USP46: variants seen among roughly 807,000 people sequenced by gnomAD.
USP46 encodes ubiquitin specific peptidase 46.
Under a neutral mutation model 44.4 loss-of-function variants are expected in USP46, and 12 were observed. The ratio of observed to expected loss-of-function variants is 0.27; its 90% confidence interval spans 0.17 to 0.44. The LOEUF (loss-of-function observed/expected upper bound fraction) is 0.44. USP46 is among the 20% of genes least tolerant of loss of function. USP46 has a pLI of 1.00. For missense variants in USP46, 248 were observed against 444.8 expected (o/e 0.56, Z 3.98); for synonymous variants, 155 against 161.5 (o/e 0.96, Z 0.31).
Position 52,620,278 on chromosome 4 carries a change from TA to T in USP46, c.561+5739del, listed in dbSNP as rs1439738659. 7.2e-5 allele frequency among the ~76,000 whole-genome samples: 11 copies of T among 152,200 alleles called. 1 individual carries two copies. The highest frequency in any genetic ancestry group is 4.1e-4 in the South Asian group (2 of 4,820). ...TTCTGAGGCTTCCTGAAAATCCACATAGAGTAAAGATGGATTTAGCAACAGT... is the reference window on the plus strand; with the variant it reads ...TTCTGAGGCTTCCTGAAAATCCACATGAGTAAAGATGGATTTAGCAACAGT... On this transcript the variant is annotated intron_variant, in intron 4 of 8. Transcript: ENST00000441222.
chr4:52,616,877 T>C (rs1449544289), intron 4 of USP46, among the ~76,000 whole-genome samples: 1 of 152,210 alleles, frequency 6.6e-6, no homozygotes, highest in Non-Finnish European at 1.5e-5. Flanking sequence ...AATTAGTGTA[T>C]GGATCAAATA....
rs1430044203 is a variant in USP46, at chr4:52,610,535, A to G, written c.638+6T>C. 6.2e-7 allele frequency: 1 copy of G among 1,613,412 alleles called. No individual in the cohort carries two copies. The highest frequency in any genetic ancestry group is 8.5e-7 in the Non-Finnish European group (1 of 1,179,604). On this transcript the variant is annotated splice_donor_region_variant and intron_variant, in intron 5 of 8. Coordinates refer to ENST00000441222, the MANE Select transcript of USP46 (RefSeq NM_022832.4). Reference sequence around the variant, plus strand: ...AAAAGCTCAAACTGCCTCAGAGTTCATATACCTTAGACAGTGGGTAATGGA... The same window carrying G: ...AAAAGCTCAAACTGCCTCAGAGTTCGTATACCTTAGACAGTGGGTAATGGA...
intron 2 of USP46, 129 bp downstream of exon 2, chr4:52,630,935 T>C: frequency 1.4e-6 from 1 of 739,852 alleles, no homozygotes; most frequent in Non-Finnish European, 2.2e-6. Flanking sequence ...CTCCCCAATA[T>C]TGGCATTCTA....
At chr4:52,599,784 C>A (rs892904633) in intron 7 of USP46, among the ~76,000 whole-genome samples, 1 of 152,142 alleles carries the variant, frequency 6.6e-6, no homozygotes, top group African/African-American at 2.4e-5. Flanking sequence ...AAGATGATGG[C>A]AATGATCTGT....
chr4:52,625,992 T>C (rs1396352947), intron 4 of USP46, 26 bp downstream of exon 4: 2 of 1,597,744 alleles, frequency 1.3e-6, no homozygotes, highest in African/African-American at 2.7e-5. Context: ...ACATGCGAGC[T>C]ACATAAGAGC....
At chr4:52,628,497 A>G (rs144130354) in intron 2 of USP46, 149 of 216,014 alleles carry the variant, frequency 6.9e-4, no homozygotes, top group Non-Finnish European at 1.2e-3. Context: ...AAAAATCTAC[A>G]TACTGTGGAG....
intron 7 of USP46, among the ~76,000 whole-genome samples, chr4:52,599,596 G>A (rs1716381736): frequency 8.5e-5 from 13 of 152,204 alleles, no homozygotes; most frequent in Admixed American, 8.5e-4. Context: ...GTGTTAAAAA[G>A]CCGTATACTA....
chr4:52,622,189 A>G (rs772931003), intron 4 of USP46, among the ~76,000 whole-genome samples: 10 of 152,238 alleles, frequency 6.6e-5, no homozygotes, highest in Admixed American at 2.0e-4. Flanking sequence ...ATTAAATTGC[A>G]AAGAAGTACA....
chr4:52,592,866 AC>A lies in USP46; in HGVS notation c.*4773del. 2.5e-6 allele frequency: 1 copy of A among 397,324 alleles called. No homozygotes were observed. The highest frequency in any genetic ancestry group is 4.4e-6 in the Non-Finnish European group (1 of 225,894). The allele number at this position is 397,324 out of a possible 1,614,324, so 24.6% of individuals were successfully genotyped here. ...AAAAAAAAGGAAAGAAAAGTGTGTA[AC>A]CCCTCCCCCTTTGCTCTCTTCCTCT... On this transcript the variant is annotated 3_prime_UTR_variant, in exon 9 of 9. Transcript: ENST00000441222.
intron 2 of USP46, among the ~76,000 whole-genome samples, chr4:52,630,483 A>G (rs181141384): frequency 1.7e-4 from 26 of 152,358 alleles, no homozygotes; most frequent in Non-Finnish European, 3.4e-4. Context: ...GGCCTGGTGC[A>G]GTGGCTCACA....
intron 1 of USP46, among the ~76,000 whole-genome samples, chr4:52,643,044 G>A (rs1718411513): frequency 6.6e-6 from 1 of 152,148 alleles, no homozygotes; most frequent in Non-Finnish European, 1.5e-5. Context: ...GGTAGGGGAG[G>A]AGAAAACTGG....
rs1178499637 is a variant in USP46 at position 52,597,455 on chromosome 4, G to C, written c.*185C>G. 1.8e-6 allele frequency: 1 copy of C among 548,204 alleles called. No individual in the cohort carries two copies. Among genetic ancestry groups the C allele is most frequent in the South Asian group, 2.3e-5 (1 of 43,208 alleles). The allele number at this position is 548,204 out of a possible 1,614,324, so 34.0% of individuals were successfully genotyped here. On this transcript the variant is annotated 3_prime_UTR_variant, in exon 9 of 9. Coordinates refer to ENST00000441222, the MANE Select transcript of USP46 (RefSeq NM_022832.4). Reference sequence around the variant, plus strand: ...ATTGCAGTTAACTCTATGTCAGACTGAAATAAAACCAAGAGTAGTGCTGCA... The same window carrying C: ...ATTGCAGTTAACTCTATGTCAGACTCAAATAAAACCAAGAGTAGTGCTGCA...
chr4:52,638,832 TG>T (rs1393141954), intron 1 of USP46, among the ~76,000 whole-genome samples: 3 of 151,990 alleles, frequency 2.0e-5, no homozygotes, highest in Non-Finnish European at 4.4e-5. Flanking sequence ...AGCTTCCATG[TG>T]CATGATAATT....
chr4:52,627,013 A>G (rs1258933464), intron 3 of USP46, among the ~76,000 whole-genome samples: 1 of 152,230 alleles, frequency 6.6e-6, no homozygotes, highest in East Asian at 1.9e-4. Flanking sequence ...AAGGGAGATG[A>G]GGGTATGTGT....
intron 1 of USP46, among the ~76,000 whole-genome samples, chr4:52,640,924 A>ATT (rs561028798): frequency 6.9e-6 from 1 of 144,964 alleles, no homozygotes; most frequent in African/African-American, 2.5e-5. Flanking sequence ...GTATTTGGCC[A>ATT]TTTTTTTTTT....
At chr4:52,626,845 A>C (rs1717609532) in intron 3 of USP46, among the ~76,000 whole-genome samples, 1 of 152,222 alleles carries the variant, frequency 6.6e-6, no homozygotes, top group African/African-American at 2.4e-5. Context: ...AGAAGTTATC[A>C]GATAAGTTCC....
chr4:52,656,277 G>C, intron 1 of USP46: 1 of 1,550,942 alleles, frequency 6.4e-7, no homozygotes, highest in Non-Finnish European at 8.7e-7. Context: ...CAGTGAGAAG[G>C]GACCTGTAAG....
At chr4:52,629,793 G>C (rs1253537608) in intron 2 of USP46, 4 of 451,466 alleles carry the variant, frequency 8.9e-6, no homozygotes, top group Non-Finnish European at 1.8e-5. Flanking sequence ...TCACCCAAAG[G>C]GTAGAAGCCA....
intron 2 of USP46, among the ~76,000 whole-genome samples, chr4:52,630,736 C>CAAA (rs10566870): frequency 2.2e-5 from 2 of 92,284 alleles, no homozygotes; most frequent in Non-Finnish European, 4.5e-5. Flanking sequence ...GACTCTGTCT[C>CAAA]AAAAAAAAAA....
Sources: gnomAD v4.1 joint callset for allele counts (sites outside exome capture counted in the v4.1 genomes callset) on GRCh38, gnomAD v4.1.1 for gene constraint, MANE v1.5 for transcripts, NCBI Gene and HGNC (gene_info 2026-07-23, HGNC 2026-07-21) for gene names.